Variants in SCFD2 observed in about 807,000 individuals in gnomAD.
SCFD2 encodes the protein sec1 family domain containing 2, also known as sec1 family domain-containing protein 2.
A neutral mutation model predicts 58.9 loss-of-function variants in SCFD2; 54 were observed. That is an observed-to-expected ratio of 0.92 (90% confidence interval 0.74 to 1.15). The LOEUF (loss-of-function observed/expected upper bound fraction) is 1.15, where lower values mean the gene tolerates loss of function less well. SCFD2 is among the 50% of genes most tolerant of loss of function. The pLI is 0.00. For missense variants in SCFD2, 805 were observed against 836.6 expected (o/e 0.96, Z 0.47); for synonymous variants, 321 against 335.9 (o/e 0.96, Z 0.49).
At chr4:52,948,295 C>A in intron 5 of SCFD2, 1 of 289,462 alleles carries the variant, frequency 3.5e-6, no homozygotes, top group Non-Finnish European at 7.0e-6. Context: ...CCACAGCTTT[C>A]CCAGCACTCT....
intron 2 of SCFD2, among the ~76,000 whole-genome samples, chr4:53,319,263 C>A (rs867601841): frequency 2.6e-5 from 4 of 152,160 alleles, no homozygotes; most frequent in Admixed American, 6.5e-5. Flanking sequence ...TAAGCAATAT[C>A]ATACTATTCC....
intron 3 of SCFD2, among the ~76,000 whole-genome samples, chr4:53,298,544 G>A (rs1215279537): frequency 6.6e-6 from 1 of 152,222 alleles, no homozygotes; most frequent in Non-Finnish European, 1.5e-5. Context: ...ACAAAAGACA[G>A]CAATAACCTC....
chr4:53,266,531 A>C (rs1730989135), intron 4 of SCFD2, among the ~76,000 whole-genome samples: 1 of 152,202 alleles, frequency 6.6e-6, no homozygotes, highest in South Asian at 2.1e-4. Flanking sequence ...AGATGAGGAA[A>C]CTAAGCCAAA....
chr4:53,230,395 G>A (rs925293089), intron 4 of SCFD2, among the ~76,000 whole-genome samples: 142 of 152,216 alleles, frequency 9.3e-4, no homozygotes, highest in African/African-American at 3.3e-3. Flanking sequence ...ATGATAGACT[G>A]GATTAAGAAA....
At chr4:53,326,037 C>T (rs1243811908) in intron 2 of SCFD2, among the ~76,000 whole-genome samples, 1 of 152,070 alleles carries the variant, frequency 6.6e-6, no homozygotes, top group Non-Finnish European at 1.5e-5. Flanking sequence ...TTACAACTTG[C>T]CACATTAGCA....
chr4:52,968,943 A>C (rs1721029136), intron 5 of SCFD2, among the ~76,000 whole-genome samples: 1 of 152,192 alleles, frequency 6.6e-6, no homozygotes, highest in Non-Finnish European at 1.5e-5. Flanking sequence ...TGTAAAATCC[A>C]GTTTTGGCAA....
Position 53,365,812 on chromosome 4 carries a change from G to A in SCFD2, c.130C>T (p.Arg44Cys), listed in dbSNP as rs745849592. ...GGACCCCCCACCGCCTCCAGGAGAC[G>A]GGTGGATCCGCAGCCCCAGTGCAGG... ...ESLHWGCGST[R>C]LLEAVGGPDC... is the part of the protein sequence containing the mutation. The change falls in exon 1 of 9, where the codon CGT becomes TGT. Residue 44 changes from arginine (R) to cysteine (C), a missense_variant. Physicochemically the swap from Arg to Cys is radical, Grantham distance 180. Transcript: ENST00000401642. The surrounding 1 kb of genome is among the most constrained non-coding windows in gnomAD (Gnocchi z 4.3). The A allele has an allele frequency of 3.1e-6, 5 of 1,613,976 alleles. No individual in the cohort carries two copies. The highest frequency in any genetic ancestry group is 1.3e-5 in the African/African-American group (1 of 75,028).
intron 7 of SCFD2, among the ~76,000 whole-genome samples, chr4:52,887,616 T>C (rs951799406): frequency 5.3e-5 from 8 of 152,142 alleles, no homozygotes; most frequent in African/African-American, 1.9e-4. Context: ...GAATGGAGCA[T>C]GCATGGAGTC....
intron 3 of SCFD2, among the ~76,000 whole-genome samples, chr4:53,306,489 A>G (rs977529782): frequency 9.9e-5 from 15 of 152,112 alleles, no homozygotes; most frequent in Non-Finnish European, 2.1e-4. Flanking sequence ...TAGAAATAAT[A>G]ATTATTAATT....
chr4:52,899,723 T>C (rs1342130889), intron 7 of SCFD2, among the ~76,000 whole-genome samples: 1 of 152,254 alleles, frequency 6.6e-6, no homozygotes, highest in African/African-American at 2.4e-5. Context: ...GAAGTTCTCC[T>C]GGATAATATC....
chr4:53,127,081 T>TA (rs1725650932), intron 5 of SCFD2, among the ~76,000 whole-genome samples: 1 of 152,190 alleles, frequency 6.6e-6, no homozygotes, highest in Admixed American at 6.5e-5. Context: ...CTTCAGAATT[T>TA]AAAAATCTGG....
intron 4 of SCFD2, among the ~76,000 whole-genome samples, chr4:53,206,551 C>G (rs759894436): frequency 2.0e-5 from 3 of 152,062 alleles, no homozygotes; most frequent in Non-Finnish European, 4.4e-5. Flanking sequence ...AATCTTCAAA[C>G]TACTCAAGTT....
At chr4:52,903,146 G>A (rs1418387736) in intron 7 of SCFD2, among the ~76,000 whole-genome samples, 2 of 152,132 alleles carry the variant, frequency 1.3e-5, no homozygotes, top group Non-Finnish European at 2.9e-5. Flanking sequence ...GTTCTCTAGA[G>A]AAACAAAGAA....
chr4:53,302,354 G>C (rs1732341809), intron 3 of SCFD2, among the ~76,000 whole-genome samples: 1 of 152,130 alleles, frequency 6.6e-6, no homozygotes, highest in South Asian at 2.1e-4. Flanking sequence ...ATTCACAATT[G>C]CTACAAAGAG....
At chr4:53,238,344 C>T (rs1233029113) in intron 4 of SCFD2, among the ~76,000 whole-genome samples, 3 of 1,292 alleles carry the variant, frequency 2.3e-3, no homozygotes, top group Admixed American at 6.2e-3. Flanking sequence ...GGCGGCTGGC[C>T]GGGCGGGGGC....
chr4:53,008,234 C>A (rs1209196476), intron 5 of SCFD2, among the ~76,000 whole-genome samples: 1 of 152,150 alleles, frequency 6.6e-6, no homozygotes, highest in African/African-American at 2.4e-5. Context: ...CCTCATTCTC[C>A]TCTTAAAACC....
intron 8 of SCFD2, among the ~76,000 whole-genome samples, chr4:52,884,567 C>G (rs879659282): frequency 6.6e-6 from 1 of 151,746 alleles, no homozygotes; most frequent in Admixed American, 6.6e-5. Flanking sequence ...TCTTCACTGT[C>G]TTTTTTTTTC....
chr4:53,026,172 C>T (rs1276190516), intron 5 of SCFD2, among the ~76,000 whole-genome samples: 1 of 152,122 alleles, frequency 6.6e-6, no homozygotes, highest in Non-Finnish European at 1.5e-5. Flanking sequence ...GTTTAAATTG[C>T]CCCTCAGTTC....
intron 4 of SCFD2, among the ~76,000 whole-genome samples, chr4:53,176,612 T>C (rs1331738213): frequency 6.6e-6 from 1 of 152,224 alleles, no homozygotes; most frequent in Non-Finnish European, 1.5e-5. Context: ...AGACCACTGT[T>C]CTGACTGCAC....
Sources: allele counts gnomAD v4.1 joint callset (sites outside exome capture counted in the v4.1 genomes callset), GRCh38; gene constraint gnomAD v4.1.1; non-coding constraint Gnocchi (gnomAD v3.1); transcripts MANE v1.5; gene names NCBI Gene and HGNC (gene_info 2026-07-23, HGNC 2026-07-21).